USP34: variants seen among roughly 807,000 people sequenced by gnomAD.
USP34 encodes the protein ubiquitin specific peptidase 34, also known as ubiquitin carboxyl-terminal hydrolase 34.
A neutral mutation model predicts 460.3 loss-of-function variants in USP34; 70 were observed. The ratio of observed to expected loss-of-function variants is 0.15; its 90% CI spans 0.13 to 0.19. USP34 has a LOEUF of 0.19. Ranked by LOEUF, USP34 falls within the 10% of genes least tolerant of loss-of-function variation. The pLI, the probability that USP34 is intolerant of heterozygous loss-of-function variation, is 1.00. For synonymous variants in USP34, 1,647 were observed against 1,405.3 expected, an observed-to-expected ratio of 1.17 and a Z score of -3.85; for missense variants, 3,985 against 4,236.2, an observed-to-expected ratio of 0.94 and a Z score of 1.65.
At chr2:61,427,037 C>G (rs1293873916) in intron 1 of USP34, among the ~76,000 whole-genome samples, 2 of 152,058 alleles carry the variant, frequency 1.3e-5, no homozygotes, top group African/African-American at 4.8e-5. Context: ...GATCACAATA[C>G]CCAAGTTTTT....
intron 69 of USP34, among the ~76,000 whole-genome samples, chr2:61,210,169 T>C (rs1687235528): frequency 6.6e-6 from 1 of 152,236 alleles, no homozygotes; most frequent in Admixed American, 6.5e-5. Flanking sequence ...TTATAAAGTC[T>C]ATAGTAGGGT....
rs1691823515 is a variant in USP34, at chr2:61,347,967, G to C, written c.2188C>G (p.Leu730Val). 3 of 1,613,968 alleles carry C rather than the reference G, an allele frequency of 1.9e-6. No individual in the cohort carries two copies. Among genetic ancestry groups the C allele is most frequent in the Non-Finnish European group, 1.7e-6 (2 of 1,180,012 alleles). The change falls in exon 15 of 80, where the codon CTT (leucine) becomes GTT (valine). Residue 730 changes from leucine (L) to valine (V), a missense_variant. Around this residue, in one of 14 missense-constraint regions of USP34, gnomAD observed 716 missense variants for 626.2 expected, o/e 1.14. Coordinates refer to ENST00000398571, the MANE Select transcript of USP34 (RefSeq NM_014709.4). ...ESCITRTGDF[L>V]GETIGNELFN... ...AATTCATTCCCAATAGTCTCCCCAA[G>C]GAAGTCCCCAGTTCGTGTGATACAA...
chr2:61,239,056 C>T (rs1189660718), intron 53 of USP34, among the ~76,000 whole-genome samples: 3 of 151,648 alleles, frequency 2.0e-5, no homozygotes, highest in Non-Finnish European at 4.4e-5. Flanking sequence ...CAGGGTACCA[C>T]GAACTACACC....
intron 1 of USP34, among the ~76,000 whole-genome samples, chr2:61,446,113 CAA>C (rs35776849): frequency 0.15 from 12,804 of 86,896 alleles, 660 homozygotes; most frequent in East Asian, 0.41. Flanking sequence ...GACTCTGTCT[CAA>C]AAAAAAAAAA....
At chr2:61,279,743 C>T (rs538370367) in intron 39 of USP34, among the ~76,000 whole-genome samples, 5 of 152,270 alleles carry the variant, frequency 3.3e-5, no homozygotes, top group East Asian at 1.9e-4. Flanking sequence ...GGATTACAGG[C>T]GTGAGCCACT....
At chr2:61,314,504 A>G in intron 25 of USP34, 81 bp downstream of exon 25, 2 of 1,274,316 alleles carry the variant, frequency 1.6e-6, no homozygotes, top group Non-Finnish European at 2.1e-6. Flanking sequence ...CAAAAACTTT[A>G]GATTCACTTT....
At chr2:61,257,955 T>A (rs1032878866) in intron 44 of USP34, among the ~76,000 whole-genome samples, 6 of 152,314 alleles carry the variant, frequency 3.9e-5, no homozygotes, top group African/African-American at 1.4e-4. Flanking sequence ...ACAGGCCGAA[T>A]AAACTTTCCC....
chr2:61,209,032 A>G (rs960994445), intron 69 of USP34, 55 bp from the exon 70 acceptor site: 115 of 1,092,026 alleles, frequency 1.1e-4, no homozygotes, highest in Middle Eastern at 8.4e-4. Flanking sequence ...CACAACACTT[A>G]GGTGATGAAA....
intron 3 of USP34, among the ~76,000 whole-genome samples, chr2:61,397,351 G>T (rs911900998): frequency 2.0e-5 from 3 of 151,578 alleles, no homozygotes; most frequent in Admixed American, 2.0e-4. Flanking sequence ...GCTGATGCAG[G>T]AGAACTGCTT....
At chr2:61,390,952 G>A (rs1693326275) in intron 5 of USP34, among the ~76,000 whole-genome samples, 1 of 151,880 alleles carries the variant, frequency 6.6e-6, no homozygotes, top group South Asian at 2.1e-4. Context: ...AAAATTAGCT[G>A]GGCATGGTGG....
intron 28 of USP34, 27 bp from the exon 29 acceptor site, chr2:61,301,187 T>G: frequency 6.3e-7 from 1 of 1,575,774 alleles, no homozygotes; most frequent in Non-Finnish European, 8.6e-7. Flanking sequence ...AAAAAATTTA[T>G]GCATATCAAG....
At position 61,367,303 on chromosome 2, in the gene USP34, TGCGCGCGCACACACACAC is replaced by T. The variant is rs1324320879; in HGVS notation, c.1251+3000_1251+3017del. ...ATTTAAATATGTTTAGAAGCACGAG[TGCGCGCGCACACACACAC>T]GCGCGCGCACACACACAAATGCAAT... On this transcript the variant is annotated intron_variant, in intron 10 of 79. Coordinates refer to ENST00000398571, the MANE Select transcript of USP34 (RefSeq NM_014709.4). Among the ~76,000 whole-genome samples the T allele has an allele frequency of 1.5e-4, 22 of 151,572 alleles. No homozygotes were observed. In the East Asian group the frequency reaches 1.6e-3, roughly 11 times the overall value.
intron 1 of USP34, among the ~76,000 whole-genome samples, chr2:61,424,069 T>G (rs955299309): frequency 6.6e-6 from 1 of 152,214 alleles, no homozygotes; most frequent in African/African-American, 2.4e-5. Flanking sequence ...TGGAAAACAG[T>G]ATGACAGTTC....
At chr2:61,319,821 G>C (rs780704906) in intron 21 of USP34, among the ~76,000 whole-genome samples, 2 of 152,100 alleles carry the variant, frequency 1.3e-5, no homozygotes, top group Admixed American at 6.6e-5. Context: ...TCCAGCCAGG[G>C]CAACAGCGCG....
chr2:61,319,423 C>A, intron 21 of USP34, 96 bp from the exon 22 acceptor site: 1 of 808,288 alleles, frequency 1.2e-6, no homozygotes, highest in Non-Finnish European at 1.7e-6. Flanking sequence ...CCTCACTTAA[C>A]ACAGATAGGT....
rs576708487 is a variant in USP34 at position 61,404,899 on chromosome 2, CTAA to C, written c.552+806_552+808del. Among the ~76,000 whole-genome samples the C allele has an allele frequency of 8.5e-5, 13 of 152,156 alleles. No individual in the cohort carries two copies. The South Asian group carries it at 2.7e-3, about 32-fold the overall frequency. ...CTTAGAAATGCTTGCAAAAACATCA[CTAA>C]TAGAGTCAAGCATCTTAACTTACAA... is the stretch of plus-strand genomic sequence containing the variant. On this transcript the variant is annotated intron_variant, in intron 3 of 79. Coordinates refer to ENST00000398571, the MANE Select transcript of USP34 (RefSeq NM_014709.4).
intron 18 of USP34, 114 bp downstream of exon 18, chr2:61,339,237 G>A (rs568520847): frequency 2.9e-6 from 3 of 1,031,526 alleles, no homozygotes; most frequent in Non-Finnish European, 4.1e-6. Context: ...CTAAAAAACA[G>A]ATTAATACAG....
At chr2:61,323,515 A>AG (rs2103706927) in intron 21 of USP34, among the ~76,000 whole-genome samples, 1 of 38,324 alleles carries the variant, frequency 2.6e-5, no homozygotes, top group East Asian at 1.6e-3. Context: ...ACTCCGCCTC[A>AG]AAAAAAAAAA....
chr2:61,205,298 A>C (rs761384828), intron 72 of USP34, among the ~76,000 whole-genome samples: 3 of 152,218 alleles, frequency 2.0e-5, no homozygotes, highest in Non-Finnish European at 4.4e-5. Flanking sequence ...ACTGATTCTC[A>C]ATCTCCAATC....
Sources: allele counts gnomAD v4.1 joint callset (sites outside exome capture counted in the v4.1 genomes callset), GRCh38; gene constraint gnomAD v4.1.1; regional missense constraint gnomAD v4.1.1; transcripts MANE v1.5; gene names NCBI Gene and HGNC (gene_info 2026-07-23, HGNC 2026-07-21).